Variants in DNAH8 observed in about 807,000 individuals in gnomAD.
The protein encoded by DNAH8 is dynein axonemal heavy chain 8.
Under a neutral mutation model 562.1 loss-of-function variants are expected in DNAH8, and 382 were observed. The ratio of observed to expected loss-of-function variants is 0.68; its 90% CI spans 0.63 to 0.74. DNAH8 has a LOEUF of 0.74. DNAH8 is among the 30% of genes least tolerant of loss of function. DNAH8 has a pLI of 0.00. For synonymous variants in DNAH8, 1,881 were observed against 1,919.4 expected (o/e 0.98, Z 0.52); for missense variants, 5,203 against 5,620.4 (o/e 0.93, Z 2.37).
chr6:38,989,506 A>T (rs7752405), intron 87 of DNAH8, among the ~76,000 whole-genome samples: 60,736 of 152,070 alleles, frequency 0.4, 12,541 homozygotes, highest in Non-Finnish European at 0.45. Flanking sequence ...AAGCTCTTCA[A>T]CTCAAGGTGG....
In DNAH8 at chr6:38,890,705, T is replaced by C. The variant is rs937388868; in HGVS notation, c.8527T>C (p.Cys2843Arg). Residue 2843 changes from cysteine (C) to arginine (R), a missense_variant, in exon 58 of 93, where the codon TGT becomes CGT. Around this residue, in one of 6 missense-constraint regions of DNAH8, gnomAD observed 977 missense variants for 1,061.8 expected, o/e 0.92. Coordinates refer to ENST00000327475, the MANE Select transcript of DNAH8 (RefSeq NM_001206927.2). Reference sequence around the variant, plus strand: ...TTGTAGAAGTTTCAAGCCTCAAATATGTGAGATGATTGTGAATTTAGTCTC... The same window carrying C: ...TTGTAGAAGTTTCAAGCCTCAAATACGTGAGATGATTGTGAATTTAGTCTC... Reference protein sequence around the residue: ...DPCRSFKPQICEMIVNLVSVG... With the variant: ...DPCRSFKPQIREMIVNLVSVG... 1.9e-6 allele frequency: 3 copies of C among 1,613,848 alleles called. No individual in the cohort carries two copies. Among genetic ancestry groups the C allele is most frequent in the African/African-American group, 2.7e-5 (2 of 74,928 alleles).
intron 88 of DNAH8, among the ~76,000 whole-genome samples, chr6:38,993,739 G>T (rs1764948687): frequency 1.3e-5 from 2 of 151,932 alleles, no homozygotes; most frequent in African/African-American, 2.4e-5. Context: ...CTTCATATCA[G>T]GTCATTATTA....
At chr6:39,027,767 G>A (rs2150891) in intron 92 of DNAH8, among the ~76,000 whole-genome samples, 123,348 of 152,060 alleles carry the variant, frequency 0.81, 50,548 homozygotes, top group Middle Eastern at 0.87. Context: ...CGGAGGTTGC[G>A]GTGAACTGAG....
At chr6:38,906,223 AT>A (rs761808743) in intron 62 of DNAH8, 30 bp from the exon 63 acceptor site, 5 of 1,469,956 alleles carry the variant, frequency 3.4e-6, no homozygotes, top group Non-Finnish European at 4.7e-6. Context: ...ATATTTTTTA[AT>A]CTAAAACTTT....
chr6:38,845,830 T>C, intron 36 of DNAH8, 57 bp downstream of exon 36: 1 of 1,435,740 alleles, frequency 7.0e-7, no homozygotes. Context: ...TATAAAATTC[T>C]AAGTAAAAGC....
At chr6:38,762,026 C>G (rs1192695104) in intron 11 of DNAH8, among the ~76,000 whole-genome samples, 5 of 152,128 alleles carry the variant, frequency 3.3e-5, no homozygotes, top group East Asian at 1.9e-4. Context: ...GTGTTAGACT[C>G]CTGTGTGCCA....
chr6:39,030,127 T>A lies in DNAH8; in HGVS notation c.13859T>A (p.Leu4620His), dbSNP rs1255052749. ...PPGEGVYIYG[L>H]YMDGAAWDRR... is the part of the protein sequence containing the mutation. The stretch of plus-strand genomic sequence containing the variant: ...CAGGAAGGTGTGTATATTTATGGGC[T>A]CTACATGGATGGAGCAGCCTGGGAC... The change falls in exon 93 of 93, where the codon CTC becomes CAC. Residue 4620 changes from leucine to histidine, a missense_variant. Leu to His is a moderately conservative substitution (Grantham distance 99). Transcript: ENST00000327475. 4.3e-6 allele frequency: 7 copies of A among 1,613,844 alleles called. No homozygotes were observed. Among genetic ancestry groups the A allele is most frequent in the Non-Finnish European group, 5.9e-6 (7 of 1,179,962 alleles).
chr6:38,843,103 A>G (rs762001046), intron 35 of DNAH8, among the ~76,000 whole-genome samples, 200 bp downstream of exon 35: 33 of 152,196 alleles, frequency 2.2e-4, no homozygotes, highest in Non-Finnish European at 3.4e-4. Context: ...ATTATTTGAA[A>G]TACATTATTT....
At chr6:38,827,204 T>C (rs1440532134) in intron 29 of DNAH8, among the ~76,000 whole-genome samples, 1 of 152,226 alleles carries the variant, frequency 6.6e-6, no homozygotes, top group Non-Finnish European at 1.5e-5. Flanking sequence ...TGTGGACTTT[T>C]GTGATTACAT....
At chr6:38,894,380 ACAG>A (rs1779538910) in intron 58 of DNAH8, among the ~76,000 whole-genome samples, 1 of 152,240 alleles carries the variant, frequency 6.6e-6, no homozygotes, top group Non-Finnish European at 1.5e-5. Flanking sequence ...GATTATTCCC[ACAG>A]TTCATATAGT....
At chr6:38,960,309 A>G (rs1762525057) in intron 82 of DNAH8, among the ~76,000 whole-genome samples, 1 of 152,046 alleles carries the variant, frequency 6.6e-6, no homozygotes, top group Admixed American at 6.5e-5. Flanking sequence ...AAAGGAAACA[A>G]TCAACATAGT....
intron 53 of DNAH8, among the ~76,000 whole-genome samples, chr6:38,880,455 A>C (rs1053408515): frequency 6.6e-6 from 1 of 152,026 alleles, no homozygotes. Flanking sequence ...CGATGGGGGG[A>C]AAAATCTCTT....
intron 41 of DNAH8, among the ~76,000 whole-genome samples, chr6:38,854,082 T>C (rs77487790): frequency 0.015 from 2,250 of 152,098 alleles, 94 homozygotes; most frequent in East Asian, 0.14. Context: ...AGATATGATG[T>C]GGATATAGAT....
intron 30 of DNAH8, among the ~76,000 whole-genome samples, chr6:38,831,119 A>G (rs1773797014): frequency 6.6e-6 from 1 of 152,130 alleles, no homozygotes. Context: ...GTTTTCTGCT[A>G]TTATATCAAT....
chr6:38,922,098 C>T (rs972423618), intron 71 of DNAH8, among the ~76,000 whole-genome samples: 2 of 148,578 alleles, frequency 1.3e-5, no homozygotes, highest in African/African-American at 4.9e-5. Flanking sequence ...AGGCAGGAAC[C>T]GGCCATCTGG....
At chr6:38,935,449 G>A in intron 76 of DNAH8, 143 bp from the exon 77 acceptor site, 1 of 611,064 alleles carries the variant, frequency 1.6e-6, no homozygotes, top group Non-Finnish European at 2.8e-6. Flanking sequence ...AGATAGATTT[G>A]GCTAATGATA....
At chr6:38,952,330 G>A (rs1761959996) in intron 82 of DNAH8, among the ~76,000 whole-genome samples, 1 of 152,044 alleles carries the variant, frequency 6.6e-6, no homozygotes, top group South Asian at 2.1e-4. Context: ...ACAGGACTGA[G>A]CCATCCTGTA....
chr6:38,925,655 C>T (rs923359449), intron 73 of DNAH8, among the ~76,000 whole-genome samples: 1 of 152,090 alleles, frequency 6.6e-6, no homozygotes, highest in Non-Finnish European at 1.5e-5. Context: ...TGGGCAGAAC[C>T]AAAGGGCCGG....
At chr6:38,942,260 C>A (rs1043459586) in intron 79 of DNAH8, among the ~76,000 whole-genome samples, 10 of 152,174 alleles carry the variant, frequency 6.6e-5, no homozygotes, top group African/African-American at 2.4e-4. Flanking sequence ...TGAATCTTTC[C>A]TTACTGGTGA....
Sources: allele counts gnomAD v4.1 joint callset (sites outside exome capture counted in the v4.1 genomes callset), GRCh38; gene constraint gnomAD v4.1.1; regional missense constraint gnomAD v4.1.1; transcripts MANE v1.5; gene names NCBI Gene and HGNC (gene_info 2026-07-23, HGNC 2026-07-21).